EVC2: variants seen among roughly 807,000 people sequenced by gnomAD.
EVC2 encodes limbin.
In EVC2, 148 loss-of-function variants were observed where a neutral mutation model predicts 149.3. The observed-to-expected ratio is 0.99, with a 90% CI of 0.87 to 1.14. The LOEUF is 1.14. Ranked by LOEUF, EVC2 falls within the 50% of genes most tolerant of loss-of-function variation. EVC2 has a pLI of 0.00. For synonymous variants in EVC2, 776 were observed against 649.9 expected (o/e 1.19, Z -2.95); for missense variants, 1,854 against 1,627.3 (o/e 1.14, Z -2.40).
rs529026861 is a variant in EVC2, at chr4:5,708,327, G to A, written c.187C>T (p.Pro63Ser). The change falls in exon 1 of 22, where the codon CCT becomes TCT. Residue 63 changes from proline to serine, a missense_variant. Pro to Ser is a moderately conservative substitution (Grantham distance 74, BLOSUM62 -1). Transcript: ENST00000344408. ...GGCCCCGCCCCGCTCCGCCCCGGAGGGATCCTCAGGCCGGGCCCAGACCTA... is the reference window on the plus strand; with the variant it reads ...GGCCCCGCCCCGCTCCGCCCCGGAGAGATCCTCAGGCCGGGCCCAGACCTA... ...APRSGPGLRI[P>S]PGRSGAGPES... is the part of the protein sequence containing the mutation. 8 of 1,469,638 alleles carry A rather than the reference G, an allele frequency of 5.4e-6. No homozygotes were observed. Among genetic ancestry groups the A allele is most frequent in the Non-Finnish European group, 7.2e-6 (8 of 1,116,422 alleles). 91.0% of individuals were successfully genotyped at this position (1,469,638 alleles called of 1,614,324 possible).
At chr4:5,555,402 G>A (rs767718327) in intron 21 of EVC2, among the ~76,000 whole-genome samples, 47 of 152,150 alleles carry the variant, frequency 3.1e-4, no homozygotes, top group South Asian at 1.2e-3. Flanking sequence ...GTTGTCTACC[G>A]GAAACCCACT....
At chr4:5,699,019 A>G (rs967336793) in intron 1 of EVC2, among the ~76,000 whole-genome samples, 1 of 152,174 alleles carries the variant, frequency 6.6e-6, no homozygotes. Flanking sequence ...CCCAGTCCTT[A>G]CAGGCCTCCA....
At chr4:5,699,169 C>T (rs1721670975) in intron 1 of EVC2, among the ~76,000 whole-genome samples, 1 of 152,104 alleles carries the variant, frequency 6.6e-6, no homozygotes, top group Admixed American at 6.5e-5. Context: ...ATGGAAATTG[C>T]AGAGACAGTG....
rs35103377 is a variant in EVC2, at chr4:5,628,743, T to TAA, written c.1711-11_1711-10dup. 64,779 of 1,417,094 alleles carry TAA rather than the reference T, an allele frequency of 0.046. 1,425 individuals carry two copies. The highest frequency in any genetic ancestry group is 0.21 in the African/African-American group (15,181 of 72,388). 87.8% of individuals were successfully genotyped at this position (1,417,094 alleles called of 1,614,324 possible). A position where few individuals can be genotyped will look rare whatever the true frequency, so the allele number is the denominator to read the frequency against. ...AACTCTTCTACATTCTCCTGTCAATTAAAAAAAAAAACAAGAAAATATGCC... is the reference window on the plus strand; with the variant it reads ...AACTCTTCTACATTCTCCTGTCAATTAAAAAAAAAAAAACAAGAAAATATGCC... On this transcript the variant is annotated splice_polypyrimidine_tract_variant and intron_variant, in intron 11 of 21. Coordinates refer to ENST00000344408, the MANE Select transcript of EVC2 (RefSeq NM_147127.5).
In EVC2 at chr4:5,708,290, G is replaced by A. The variant is rs868601826; in HGVS notation, c.224C>T (p.Thr75Met). The A allele has an allele frequency of 6.8e-7, 1 of 1,476,576 alleles. No homozygotes were observed. Among genetic ancestry groups the A allele is most frequent in the Middle Eastern group, 1.7e-4 (1 of 5,788 alleles). 91.5% of individuals were successfully genotyped at this position (1,476,576 alleles called of 1,614,324 possible). A position where few individuals can be genotyped will look rare whatever the true frequency, so the allele number is the denominator to read the frequency against. The change falls in exon 1 of 22, where the codon ACG becomes ATG. Residue 75 changes from threonine (T) to methionine (M), a missense_variant. Physicochemically the swap from Thr to Met is moderately conservative, Grantham distance 81 (BLOSUM62 -1). Coordinates refer to ENST00000344408, the MANE Select transcript of EVC2 (RefSeq NM_147127.5). ...CTGGGGTCGGGCCCTCCTTACCTGC[G>A]TGCTGCTCTCGGGCCCCGCCCCGCT... ...GRSGAGPESS[T>M]QDLPCMIWPK...
intron 9 of EVC2, among the ~76,000 whole-genome samples, chr4:5,658,830 G>C (rs1718699034): frequency 6.6e-6 from 1 of 152,190 alleles, no homozygotes; most frequent in South Asian, 2.1e-4. Flanking sequence ...CAGGCGAGAG[G>C]TGTGTGGCAG....
intron 16 of EVC2, among the ~76,000 whole-genome samples, chr4:5,589,865 A>T (rs1712629144): frequency 6.6e-6 from 1 of 152,156 alleles, no homozygotes; most frequent in South Asian, 2.1e-4. Flanking sequence ...ACAGTGCCTG[A>T]CACATTGGAG....
At chr4:5,703,921 A>T (rs1163505609) in intron 1 of EVC2, among the ~76,000 whole-genome samples, 1 of 152,122 alleles carries the variant, frequency 6.6e-6, no homozygotes, top group African/African-American at 2.4e-5. Flanking sequence ...AGTGGCTGTC[A>T]GGGTATCAGG....
chr4:5,648,997 T>C (rs1444204398), intron 9 of EVC2, among the ~76,000 whole-genome samples: 1 of 152,200 alleles, frequency 6.6e-6, no homozygotes, highest in Non-Finnish European at 1.5e-5. Context: ...AAATTTTCAT[T>C]GCCCTCTATG....
intron 17 of EVC2, among the ~76,000 whole-genome samples, chr4:5,582,303 G>A (rs1020138443): frequency 1.3e-5 from 2 of 152,234 alleles, no homozygotes; most frequent in African/African-American, 4.8e-5. Flanking sequence ...CACAGGGGCT[G>A]AGCTGCCCAA....
intron 17 of EVC2, among the ~76,000 whole-genome samples, chr4:5,577,337 C>A (rs1054642801): frequency 6.6e-6 from 1 of 152,204 alleles, no homozygotes; most frequent in African/African-American, 2.4e-5. Flanking sequence ...TAATCTCACA[C>A]AAGAAACTGT....
At chr4:5,644,913 C>T (rs1717600135) in intron 9 of EVC2, among the ~76,000 whole-genome samples, 1 of 152,116 alleles carries the variant, frequency 6.6e-6, no homozygotes, top group Admixed American at 6.5e-5. Flanking sequence ...ACCATATTTT[C>T]TTTATTCATC....
In EVC2 at chr4:5,567,605, G is replaced by A. The variant is rs930853247; in HGVS notation, c.3557+839C>T. Among the ~76,000 whole-genome samples the A allele has an allele frequency of 1.3e-5, 2 of 151,850 alleles. No homozygotes were observed. Among genetic ancestry groups the A allele is most frequent in the Middle Eastern group, 3.4e-3 (1 of 294 alleles). ...GTACTGCTGGCTGCCCCCCAAACCC[G>A]CCTTACTCCACACCCCTTCCTGCCT... On this transcript the variant is annotated intron_variant, in intron 20 of 21. Coordinates refer to ENST00000344408, the MANE Select transcript of EVC2 (RefSeq NM_147127.5). The surrounding 1 kb of genome is among the most constrained non-coding windows in gnomAD (Gnocchi z 4.4).
At chr4:5,598,690 A>C (rs1345759185) in intron 16 of EVC2, among the ~76,000 whole-genome samples, 2 of 152,180 alleles carry the variant, frequency 1.3e-5, no homozygotes, top group Admixed American at 6.5e-5. Flanking sequence ...CACCAAAAGC[A>C]ATGGCAACAA....
Position 5,663,138 on chromosome 4 carries a change from C to T in EVC2, c.1114G>A (p.Asp372Asn). The T allele has an allele frequency of 1.2e-6, 2 of 1,614,126 alleles. No individual in the cohort carries two copies. Among genetic ancestry groups the T allele is most frequent in the South Asian group, 1.1e-5 (1 of 91,074 alleles). Residue 372 changes from aspartate to asparagine, a missense_variant, in exon 9 of 22, where the codon GAC (aspartate) becomes AAC (asparagine). Asp to Asn is a conservative substitution (Grantham distance 23). Transcript: ENST00000344408. ...DQMIDILSSE[D>N]PGSMLQALEE... ...AAGGCTTGAAGCATGCTCCCAGGGTCCTCGGAAGACAGAATGTCTATCATT... is the reference window on the plus strand; with the variant it reads ...AAGGCTTGAAGCATGCTCCCAGGGTTCTCGGAAGACAGAATGTCTATCATT...
intron 16 of EVC2, among the ~76,000 whole-genome samples, chr4:5,608,021 C>T (rs893907920): frequency 6.6e-6 from 1 of 152,070 alleles, no homozygotes; most frequent in Non-Finnish European, 1.5e-5. Flanking sequence ...CAGCTCCCTG[C>T]AGTCCCAGCC....
At chr4:5,692,749 C>T (rs1432590113) in intron 3 of EVC2, among the ~76,000 whole-genome samples, 1 of 150,760 alleles carries the variant, frequency 6.6e-6, no homozygotes, top group Non-Finnish European at 1.5e-5. Flanking sequence ...CGCCTGTAGT[C>T]CCAGCTACTC....
intron 21 of EVC2, among the ~76,000 whole-genome samples, chr4:5,553,580 C>T (rs1051201184): frequency 8.5e-5 from 13 of 152,230 alleles, no homozygotes; most frequent in African/African-American, 3.1e-4. Context: ...AGTTTTGGGG[C>T]AGTGACTATA....
chr4:5,583,832 G>T (rs1490079449), intron 17 of EVC2, among the ~76,000 whole-genome samples: 24 of 147,972 alleles, frequency 1.6e-4, no homozygotes, highest in African/African-American at 5.2e-4. Flanking sequence ...TTTTTATTTT[G>T]TTTATGCTGT....
Sources: gnomAD v4.1 joint callset for allele counts (sites outside exome capture counted in the v4.1 genomes callset) on GRCh38, gnomAD v4.1.1 for gene constraint, Gnocchi (gnomAD v3.1) non-coding constraint, MANE v1.5 for transcripts, NCBI Gene and HGNC (gene_info 2026-07-23, HGNC 2026-07-21) for gene names.